Variants in NLRP5 observed in about 807,000 individuals in gnomAD.
NLRP5 encodes NLR family pyrin domain containing 5.
In NLRP5, 93 loss-of-function variants were observed where a neutral mutation model predicts 113.1. The observed-to-expected ratio is 0.82, with a 90% CI of 0.70 to 0.98. The LOEUF is 0.98. Among genes scored for constraint, NLRP5 ranks in the 50% least tolerant of loss-of-function variants. NLRP5 has a pLI of 0.00. For missense variants in NLRP5, 1,808 were observed against 1,514.3 expected (o/e 1.19, Z -3.22); for synonymous variants, 751 against 600.7 (o/e 1.25, Z -3.66).
At position 56,055,537 on chromosome 19, in the gene NLRP5, C is replaced by CTTTTTTT. The variant is rs1160965587; in HGVS notation, c.3299+1749_3299+1755dup. On this transcript the variant is annotated intron_variant, in intron 13 of 14. Coordinates refer to ENST00000390649, the MANE Select transcript of NLRP5 (RefSeq NM_153447.4). ...CCATGTTCTATTTTTCTTTCTCTGT[C>CTTTTTTT]TTTTTTTTTTTTTTTTTTTTTTTTT... 1.6e-3 allele frequency among the ~76,000 whole-genome samples: 122 copies of CTTTTTTT among 76,454 alleles called. 12 individuals carry two copies. The highest frequency in any genetic ancestry group is 0.012 in the South Asian group (22 of 1,890). 50.2% of individuals were successfully genotyped at this position (76,454 alleles called of 152,430 possible).
rs762628303 is a variant in NLRP5, at chr19:56,028,248, T to G, written c.2015T>G (p.Leu672Trp). 3.1e-6 allele frequency: 5 copies of G among 1,613,774 alleles called. No individual in the cohort carries two copies. The highest frequency in any genetic ancestry group is 3.3e-5 in the Admixed American group (2 of 59,990). Residue 672 changes from leucine to tryptophan, a missense_variant, in exon 7 of 15, where the codon TTG (leucine) becomes TGG (tryptophan). Leu to Trp is a moderately conservative substitution (Grantham distance 61). Transcript: ENST00000390649. ...AAGCTTCTGCACTGGGTCTCTCTGT[T>G]GGGTCAGCAGCCTAATGCCACCACC...
Position 55,999,729 on chromosome 19 carries a change from A to G in NLRP5, c.4A>G (p.Lys2Glu). The G allele has an allele frequency of 6.2e-7, 1 of 1,611,784 alleles. No individual in the cohort carries two copies. Among genetic ancestry groups the G allele is most frequent in the Non-Finnish European group, 8.5e-7 (1 of 1,177,966 alleles). The change falls in exon 1 of 15, where the codon AAG becomes GAG. Residue 2 changes from lysine (K) to glutamate (E), a missense_variant. Lys to Glu is a moderately conservative substitution (Grantham distance 56, BLOSUM62 1). Transcript: ENST00000390649. ...TACTTTCCATGGCGATGTTATCATG[A>G]AGGTTGCAGGAGGACTTGAACTTGG...
the NLRP5 span, chr19:55,987,823 T>A: frequency 6.2e-7 from 1 of 1,613,710 alleles, no homozygotes; most frequent in Admixed American, 1.7e-5. Context: ...GCTGTATTCC[T>A]GCCTGGACTC....
chr19:56,017,638 G>T (rs569713699), intron 4 of NLRP5, among the ~76,000 whole-genome samples: 1 of 152,196 alleles, frequency 6.6e-6, no homozygotes, highest in South Asian at 2.1e-4. Flanking sequence ...TAATTTCAAG[G>T]AACATAAACT....
At chr19:56,011,460 T>G (rs1326847758) in intron 3 of NLRP5, among the ~76,000 whole-genome samples, 2 of 152,098 alleles carry the variant, frequency 1.3e-5, no homozygotes, top group Non-Finnish European at 2.9e-5. Context: ...TTGCACACTT[T>G]CAATGGGTGA....
the NLRP5 span, among the ~76,000 whole-genome samples, chr19:55,993,303 C>T: frequency 6.7e-6 from 1 of 149,998 alleles, no homozygotes; most frequent in African/African-American, 2.5e-5. Context: ...TATTCACCTG[C>T]AGTGCTGCAG....
intron 11 of NLRP5, among the ~76,000 whole-genome samples, chr19:56,041,806 G>A (rs1224091195): frequency 4.6e-5 from 7 of 152,204 alleles, no homozygotes; most frequent in South Asian, 4.2e-4. Context: ...AAAATTAGCC[G>A]GGTGTGGTGG....
chr19:56,010,354 G>T (rs1982132617), intron 3 of NLRP5, among the ~76,000 whole-genome samples: 1 of 152,160 alleles, frequency 6.6e-6, no homozygotes, highest in Non-Finnish European at 1.5e-5. Flanking sequence ...GTACAAAGAT[G>T]AAGGCCATCA....
At chr19:56,029,909 G>T (rs991234027) in intron 7 of NLRP5, among the ~76,000 whole-genome samples, 2 of 150,782 alleles carry the variant, frequency 1.3e-5, no homozygotes, top group Admixed American at 6.6e-5. Context: ...ACAAAAATTA[G>T]CCAGGCATGG....
chr19:56,032,616 G>A lies in NLRP5; in HGVS notation c.2282G>A (p.Arg761Gln), dbSNP rs17713875. 6.2e-5 allele frequency: 100 copies of A among 1,611,586 alleles called. No homozygotes were observed. The highest frequency in any genetic ancestry group is 1.1e-4 in the African/African-American group (8 of 75,020). The stretch of plus-strand genomic sequence containing the variant: ...TTCTATCCCCCCTGACATAGGATGC[G>A]GGATAAGACCCTCATTGAGGAGCAG... Residue 761 changes from arginine to glutamine, a missense_variant, in exon 8 of 15, where the codon CGG becomes CAG. Physicochemically the swap from Arg to Gln is conservative, Grantham distance 43. Transcript: ENST00000390649.
At chr19:56,055,387 C>T (rs1984094053) in intron 13 of NLRP5, among the ~76,000 whole-genome samples, 1 of 151,840 alleles carries the variant, frequency 6.6e-6, no homozygotes, top group African/African-American at 2.4e-5. Flanking sequence ...GGTCATGTCC[C>T]TTCTTTAGTT....
chr19:56,053,142 T>C (rs544264494), intron 12 of NLRP5, among the ~76,000 whole-genome samples: 3 of 151,732 alleles, frequency 2.0e-5, no homozygotes, highest in East Asian at 2.0e-4. Flanking sequence ...AAGCCTGTAA[T>C]CCCAGCACTT....
At chr19:55,987,819 T>C in the NLRP5 span, 1 of 1,613,452 alleles carries the variant, frequency 6.2e-7, no homozygotes. Context: ...TCCAGCTGTA[T>C]TCCTGCCTGG....
Position 56,027,270 on chromosome 19 carries a change from C to G in NLRP5, c.1037C>G (p.Pro346Arg), listed in dbSNP as rs775858335. The G allele has an allele frequency of 1.9e-6, 3 of 1,612,162 alleles. No individual in the cohort carries two copies. The Admixed American group carries it at 5.0e-5, about 27-fold the overall frequency. Reference sequence around the variant, plus strand: ...AGGGAGTGGCCAGACTCCCAGGCTCCGGTGACGGAGATCATGTCCCGACCA... The same window carrying G: ...AGGGAGTGGCCAGACTCCCAGGCTCGGGTGACGGAGATCATGTCCCGACCA... Residue 346 changes from proline (P) to arginine (R), a missense_variant, in exon 7 of 15, where the codon CCG becomes CGG. Coordinates refer to ENST00000390649, the MANE Select transcript of NLRP5 (RefSeq NM_153447.4).
chr19:56,015,887 A>G, intron 4 of NLRP5, 89 bp downstream of exon 4: 1 of 952,838 alleles, frequency 1.0e-6, no homozygotes, highest in African/African-American at 1.6e-5. Context: ...GGGGAAATCC[A>G]CTTTCCCTTT....
intron 9 of NLRP5, among the ~76,000 whole-genome samples, chr19:56,033,986 T>A (rs936192476): frequency 1.4e-4 from 22 of 152,228 alleles, no homozygotes; most frequent in African/African-American, 5.3e-4. Context: ...CTCAGTCTGA[T>A]CTTGAACTCC....
At chr19:56,026,294 C>T (rs951023837) in intron 6 of NLRP5, among the ~76,000 whole-genome samples, 3 of 151,692 alleles carry the variant, frequency 2.0e-5, no homozygotes, top group African/African-American at 4.8e-5. Flanking sequence ...TTTGGGAGGC[C>T]GAGGTGGGTA....
chr19:56,037,624 T>C (rs1983365530), intron 9 of NLRP5, among the ~76,000 whole-genome samples: 1 of 144,904 alleles, frequency 6.9e-6, no homozygotes, highest in African/African-American at 2.6e-5. Context: ...ATCCGGGAGA[T>C]GGAGATTGCA....
At chr19:56,005,364 T>TAC (rs1005966805) in intron 2 of NLRP5, among the ~76,000 whole-genome samples, 1 of 146,590 alleles carries the variant, frequency 6.8e-6, no homozygotes, top group African/African-American at 2.5e-5. Flanking sequence ...TATTTTTATA[T>TAC]ACACACATAT....
Sources: gnomAD v4.1 joint callset for allele counts (sites outside exome capture counted in the v4.1 genomes callset) on GRCh38, gnomAD v4.1.1 for gene constraint, MANE v1.5 for transcripts, NCBI Gene and HGNC (gene_info 2026-07-23, HGNC 2026-07-21) for gene names.